CHST11: variants seen among roughly 807,000 people sequenced by gnomAD.
CHST11 encodes carbohydrate sulfotransferase 11.
A neutral mutation model predicts 30.4 loss-of-function variants in CHST11; 9 were observed. The ratio of observed to expected loss-of-function variants is 0.30; its 90% CI spans 0.18 to 0.52. The LOEUF is 0.52. Ranked by LOEUF, CHST11 falls within the 20% of genes least tolerant of loss-of-function variation. The probability of loss-of-function intolerance (pLI) is 0.97; values close to 1 mark genes in which losing one functional copy is unlikely to be tolerated. For synonymous variants in CHST11, 152 were observed against 187.8 expected (o/e 0.81, Z 1.56); for missense variants, 348 against 460.6 (o/e 0.76, Z 2.24).
rs541085729 is a variant in CHST11, at chr12:104,750,664, G to A, written c.205-6285G>A. On this transcript the variant is annotated intron_variant, in intron 2 of 2. Transcript: ENST00000303694. Reference sequence around the variant, plus strand: ...TCACCATGTTGGCCAGGCTGGTCTCGAACTCCTGACCTCAGGTGATCCACT... The same window carrying A: ...TCACCATGTTGGCCAGGCTGGTCTCAAACTCCTGACCTCAGGTGATCCACT... 1.5e-3 allele frequency among the ~76,000 whole-genome samples: 227 copies of A among 151,408 alleles called. 3 individuals are homozygous for A. Among genetic ancestry groups the A allele is most frequent in the Middle Eastern group, 3.4e-3 (1 of 294 alleles).
intron 2 of CHST11, among the ~76,000 whole-genome samples, chr12:104,747,293 C>T (rs856592): frequency 0.47 from 71,737 of 152,078 alleles, 17,767 homozygotes; most frequent in Non-Finnish European, 0.56. Flanking sequence ...GACTCGAACC[C>T]CAGACCCGGT....
At chr12:104,658,506 G>A (rs2039567195) in intron 2 of CHST11, among the ~76,000 whole-genome samples, 1 of 152,216 alleles carries the variant, frequency 6.6e-6, no homozygotes, top group African/African-American at 2.4e-5. Flanking sequence ...CTGAACGACT[G>A]GGGGTTAGTA....
intron 2 of CHST11, among the ~76,000 whole-genome samples, chr12:104,712,965 C>G (rs1241214979): frequency 6.6e-6 from 1 of 151,884 alleles, no homozygotes; most frequent in Non-Finnish European, 1.5e-5. Flanking sequence ...AACCCCATCC[C>G]CCTTCCCACC....
At chr12:104,571,023 A>G (rs551897554) in intron 1 of CHST11, among the ~76,000 whole-genome samples, 9 of 151,976 alleles carry the variant, frequency 5.9e-5, no homozygotes, top group African/African-American at 2.2e-4. Context: ...ATCATCTAAT[A>G]ATTCTCAAAA....
At chr12:104,507,013 C>A (rs569429285) in intron 1 of CHST11, among the ~76,000 whole-genome samples, 1 of 152,056 alleles carries the variant, frequency 6.6e-6, no homozygotes, top group Non-Finnish European at 1.5e-5. Flanking sequence ...GTTGCCAAGC[C>A]GGGAAGATTC....
intron 2 of CHST11, among the ~76,000 whole-genome samples, chr12:104,637,843 T>A (rs2039340083): frequency 6.6e-6 from 1 of 152,162 alleles, no homozygotes; most frequent in African/African-American, 2.4e-5. Context: ...GATCATCTCC[T>A]CCCTTCTCCC....
chr12:104,665,977 G>A (rs1244859508), intron 2 of CHST11, among the ~76,000 whole-genome samples: 1 of 151,676 alleles, frequency 6.6e-6, no homozygotes, highest in Non-Finnish European at 1.5e-5. Flanking sequence ...CCGTCACCAT[G>A]CCCAGCTAAT....
At chr12:104,481,846 C>CT (rs2037626279) in intron 1 of CHST11, among the ~76,000 whole-genome samples, 63 of 84,004 alleles carry the variant, frequency 7.5e-4, no homozygotes, top group African/African-American at 1.1e-3. Context: ...CTTTCTCTTG[C>CT]ATTTTTTTTT....
chr12:104,673,969 C>T (rs2039718092), intron 2 of CHST11, among the ~76,000 whole-genome samples: 1 of 152,210 alleles, frequency 6.6e-6, no homozygotes, highest in South Asian at 2.1e-4. Flanking sequence ...GTCTTTATGG[C>T]TGCTCGGTTT....
intron 2 of CHST11, among the ~76,000 whole-genome samples, chr12:104,624,126 A>C (rs1441839072): frequency 6.6e-6 from 1 of 152,228 alleles, no homozygotes; most frequent in Non-Finnish European, 1.5e-5. Flanking sequence ...AAGCATTTCA[A>C]GGAGCAATTA....
intron 1 of CHST11, among the ~76,000 whole-genome samples, chr12:104,501,328 G>A (rs141385553): frequency 6.6e-6 from 1 of 152,304 alleles, no homozygotes; most frequent in Non-Finnish European, 1.5e-5. Flanking sequence ...TGGACACATA[G>A]TAGAGCCCTG....
intron 1 of CHST11, among the ~76,000 whole-genome samples, chr12:104,567,206 A>G (rs929352628): frequency 5.9e-5 from 9 of 152,208 alleles, no homozygotes; most frequent in Non-Finnish European, 1.3e-4. Context: ...AATGAGCTGC[A>G]TGTGTCAGAT....
chr12:104,630,891 G>A (rs1287508510), intron 2 of CHST11, among the ~76,000 whole-genome samples: 1 of 152,158 alleles, frequency 6.6e-6, no homozygotes, highest in Non-Finnish European at 1.5e-5. Context: ...GTTTATGTCT[G>A]CCTTAAGGGA....
chr12:104,715,878 G>A (rs1431926976), intron 2 of CHST11, among the ~76,000 whole-genome samples: 1 of 152,212 alleles, frequency 6.6e-6, no homozygotes. Context: ...CTCTCGTTGA[G>A]AGAGCATCAC....
At chr12:104,552,381 C>CTG (rs1321010243) in intron 1 of CHST11, 1 of 152,498 alleles carries the variant, frequency 6.6e-6, no homozygotes, top group Non-Finnish European at 1.5e-5. Flanking sequence ...TCACAGCTCA[C>CTG]TGTAGCCTTG....
intron 1 of CHST11, among the ~76,000 whole-genome samples, chr12:104,473,687 A>G (rs753875182): frequency 1.3e-5 from 2 of 152,072 alleles, no homozygotes; most frequent in African/African-American, 4.8e-5. Flanking sequence ...GGGAGAGGGC[A>G]TGGGGCTATT....
chr12:104,723,728 C>G (rs1167402201), intron 2 of CHST11, among the ~76,000 whole-genome samples: 1 of 152,316 alleles, frequency 6.6e-6, no homozygotes, highest in Non-Finnish European at 1.5e-5. Context: ...CTAAGTGGCC[C>G]TCCCTGGAAA....
chr12:104,566,372 G>T (rs576779249), intron 1 of CHST11, among the ~76,000 whole-genome samples: 15 of 152,024 alleles, frequency 9.9e-5, no homozygotes, highest in African/African-American at 2.7e-4. Flanking sequence ...CGGTTGGGGT[G>T]GGGGGGCGGT....
chr12:104,706,772 A>G (rs1027885161), intron 2 of CHST11, among the ~76,000 whole-genome samples: 5 of 152,160 alleles, frequency 3.3e-5, no homozygotes, highest in South Asian at 4.1e-4. Context: ...AAACTCAGCT[A>G]TCTTCTGTCA....
Sources: gnomAD v4.1 joint callset for allele counts (sites outside exome capture counted in the v4.1 genomes callset) on GRCh38, gnomAD v4.1.1 for gene constraint, MANE v1.5 for transcripts, NCBI Gene and HGNC (gene_info 2026-07-23, HGNC 2026-07-21) for gene names.